Variants in PLAC1 observed in about 807,000 individuals in gnomAD.
The protein encoded by PLAC1 is placenta-specific protein 1.
For synonymous variants in PLAC1, 68 were observed against 62.1 expected (o/e 1.09, Z -0.44); for missense variants, 136 against 163.2 (o/e 0.83, Z 0.91).
chrX:134,723,914 G>T (rs1441532997), intron 2 of PLAC1, among the ~76,000 whole-genome samples: 1 of 110,240 alleles, frequency 9.1e-6, no homozygotes, highest in Non-Finnish European at 1.9e-5. Context: ...AAAAGACCAG[G>T]GAGTGCTAAG....
At chrX:134,731,990 T>C (rs1194333675) in intron 2 of PLAC1, among the ~76,000 whole-genome samples, 2 of 111,793 alleles carry the variant, frequency 1.8e-5, no homozygotes, top group Non-Finnish European at 3.8e-5. Flanking sequence ...CTGCAAGTCA[T>C]GCCCCAGGAT....
upstream of PLAC1, among the ~76,000 whole-genome samples, chrX:134,659,684 G>C (rs1179599416): frequency 8.9e-6 from 1 of 112,524 alleles, no homozygotes; most frequent in East Asian, 2.8e-4. Flanking sequence ...TTATGTGCCA[G>C]ATGCTGTCCT....
intron 2 of PLAC1, among the ~76,000 whole-genome samples, chrX:134,698,965 C>G (rs2078573832): frequency 1.8e-5 from 2 of 111,561 alleles, no homozygotes; most frequent in South Asian, 7.7e-4. Context: ...GGTTTCTCCT[C>G]TTTTCCTTAC....
intron 2 of PLAC1, among the ~76,000 whole-genome samples, chrX:134,691,235 T>C (rs2078540237): frequency 9.3e-6 from 1 of 107,625 alleles, no homozygotes; most frequent in South Asian, 4.1e-4. Flanking sequence ...TAAAAATTTC[T>C]TGTACATATC....
chrX:134,740,101 T>C (rs1417306141), intron 1 of PLAC1, among the ~76,000 whole-genome samples: 1 of 111,400 alleles, frequency 9.0e-6, no homozygotes, highest in Admixed American at 9.6e-5. Context: ...GCAGATCACC[T>C]GAGGTGGGAA....
intron 1 of PLAC1, among the ~76,000 whole-genome samples, chrX:134,657,051 A>G (rs926795455): frequency 8.9e-6 from 1 of 112,159 alleles, no homozygotes; most frequent in Non-Finnish European, 1.9e-5. Context: ...CTGTCACTTG[A>G]CCGTGAGAAG....
At chrX:134,660,505 A>G (rs2078412904), upstream of PLAC1, among the ~76,000 whole-genome samples, 1 of 112,613 alleles carries the variant, frequency 8.9e-6, no homozygotes, top group South Asian at 3.7e-4. Context: ...AGGCATTGCA[A>G]TGGAAAAAAG....
chrX:134,621,488 C>T (rs190992858), intron 1 of PLAC1, among the ~76,000 whole-genome samples: 1,646 of 104,175 alleles, frequency 0.016, 40 homozygotes, highest in African/African-American at 0.054. Context: ...AGAAAATCCT[C>T]GGTCTTGTTT....
intron 2 of PLAC1, among the ~76,000 whole-genome samples, chrX:134,706,181 C>G (rs779445242): frequency 8.9e-6 from 1 of 112,682 alleles, no homozygotes; most frequent in South Asian, 3.7e-4. Context: ...CTCTCTACTC[C>G]CGGCAAATAT....
intron 2 of PLAC1, among the ~76,000 whole-genome samples, chrX:134,708,490 G>T (rs781562845): frequency 5.6e-4 from 61 of 108,591 alleles, no homozygotes; most frequent in Non-Finnish European, 9.6e-4. Context: ...TAACCATAAA[G>T]GTAGCATGAG....
chrX:134,759,360 G>A (rs767272385), intron 1 of PLAC1, among the ~76,000 whole-genome samples: 6 of 110,365 alleles, frequency 5.4e-5, no homozygotes, highest in Non-Finnish European at 9.5e-5. Flanking sequence ...CATATTGTCC[G>A]GGCTGGTCTC....
intron 1 of PLAC1, among the ~76,000 whole-genome samples, chrX:134,655,263 C>A (rs1020079216): frequency 9.2e-6 from 1 of 108,940 alleles, no homozygotes; most frequent in Non-Finnish European, 1.9e-5. Context: ...TACATATAAC[C>A]ACCAAGATTC....
At chrX:134,760,215 A>G (rs1156832129) in intron 1 of PLAC1, 3 of 111,903 alleles carry the variant, frequency 2.7e-5, no homozygotes, top group Non-Finnish European at 5.6e-5. Flanking sequence ...TAGTCTCCAT[A>G]CAGACTGTCA....
intron 2 of PLAC1, among the ~76,000 whole-genome samples, chrX:134,724,651 T>G (rs1344690608): frequency 8.9e-6 from 1 of 112,669 alleles, no homozygotes; most frequent in Non-Finnish European, 1.9e-5. Context: ...GTTGGGCTAT[T>G]TCCTCCCAGT....
At chrX:134,696,298 C>T (rs2078562893) in intron 2 of PLAC1, among the ~76,000 whole-genome samples, 1 of 111,105 alleles carries the variant, frequency 9.0e-6, no homozygotes, top group South Asian at 3.8e-4. Flanking sequence ...ACCTCCCATA[C>T]TGGAGAAATC....
chrX:134,761,307 G>A (rs903820603), intron 1 of PLAC1, among the ~76,000 whole-genome samples: 27 of 111,958 alleles, frequency 2.4e-4, no homozygotes, highest in African/African-American at 8.4e-4. Context: ...GGATGAAAGT[G>A]GGAGGCAGAC....
intron 2 of PLAC1, among the ~76,000 whole-genome samples, chrX:134,711,351 C>T (rs1005241891): frequency 5.3e-5 from 6 of 112,335 alleles, no homozygotes; most frequent in African/African-American, 1.6e-4. Flanking sequence ...CACTTAAGTG[C>T]AAATAAATTC....
At chrX:134,724,927 G>T (rs770084321) in intron 2 of PLAC1, among the ~76,000 whole-genome samples, 220 of 110,475 alleles carry the variant, frequency 2.0e-3, no homozygotes, top group Non-Finnish European at 3.4e-3. Flanking sequence ...GCTGGAGCCT[G>T]GAAGGCCGAG....
At chrX:134,733,908 A>G (rs2078695942) in intron 1 of PLAC1, among the ~76,000 whole-genome samples, 1 of 111,417 alleles carries the variant, frequency 9.0e-6, no homozygotes, top group Non-Finnish European at 1.9e-5. Context: ...ATGTTTGCAG[A>G]CCGATGTGAT....
Sources: allele counts gnomAD v4.1 joint callset (sites outside exome capture counted in the v4.1 genomes callset), GRCh38; gene constraint gnomAD v4.1.1; transcripts MANE v1.5; gene names NCBI Gene and HGNC (gene_info 2026-07-23, HGNC 2026-07-21).